Variants in SFMBT2 observed in about 807,000 individuals in gnomAD.
SFMBT2 encodes the protein Scm like with four mbt domains 2.
A neutral mutation model predicts 110.1 loss-of-function variants in SFMBT2; 38 were observed. The observed-to-expected ratio is 0.35, with a 90% CI of 0.27 to 0.45. The LOEUF is 0.45. SFMBT2 is among the 20% of genes least tolerant of loss of function. The pLI, the probability that SFMBT2 is intolerant of heterozygous loss-of-function variation, is 1.00. For synonymous variants in SFMBT2, 425 were observed against 425.4 expected (o/e 1.00, Z 0.01); for missense variants, 1,011 against 1,094.9 (o/e 0.92, Z 1.08).
Position 7,171,381 on chromosome 10 carries a change from G to A in SFMBT2, c.2416-325C>T. ...TTAGAGAAAAGAGGAGAAATACAAG[G>A]GGCACGTCCAAGCAGACACGAGACA... On this transcript the variant is annotated intron_variant, in intron 19 of 20. Transcript: ENST00000397167. The surrounding 1 kb of genome is among the most constrained non-coding windows in gnomAD (Gnocchi z 4.9). The A allele has an allele frequency of 2.0e-6, 2 of 985,332 alleles. No individual in the cohort carries two copies. The highest frequency in any genetic ancestry group is 2.4e-6 in the Non-Finnish European group (2 of 829,864). The allele number at this position is 985,332 out of a possible 1,614,324, so 61.0% of individuals were successfully genotyped here. A position where few individuals can be genotyped will look rare whatever the true frequency, so the allele number is the denominator to read the frequency against.
At chr10:7,242,957 C>G (rs1840481565) in intron 9 of SFMBT2, among the ~76,000 whole-genome samples, 1 of 152,212 alleles carries the variant, frequency 6.6e-6, no homozygotes, top group Non-Finnish European at 1.5e-5. Flanking sequence ...CACCTCTCAT[C>G]TTACTGCTTT....
chr10:7,335,104 TAGAA>T (rs1490946706), intron 4 of SFMBT2, among the ~76,000 whole-genome samples: 1 of 152,050 alleles, frequency 6.6e-6, no homozygotes, highest in Non-Finnish European at 1.5e-5. Flanking sequence ...GTCAAATTCA[TAGAA>T]AGAGAAAACA....
chr10:7,364,423 TGA>T (rs1844825896), intron 4 of SFMBT2, among the ~76,000 whole-genome samples: 1 of 152,222 alleles, frequency 6.6e-6, no homozygotes, highest in Non-Finnish European at 1.5e-5. Context: ...ATGGTGTTTC[TGA>T]GAGTGTGTGT....
intron 4 of SFMBT2, among the ~76,000 whole-genome samples, chr10:7,335,590 CA>C (rs1249979488): frequency 2.6e-4 from 38 of 146,094 alleles, no homozygotes; most frequent in African/African-American, 1.0e-3. Flanking sequence ...GAAACACACA[CA>C]CACACACACA....
chr10:7,322,637 A>T (rs1168457020), intron 4 of SFMBT2, among the ~76,000 whole-genome samples: 2 of 152,102 alleles, frequency 1.3e-5, no homozygotes, highest in Admixed American at 6.6e-5. Context: ...ACACATACAC[A>T]GCACAGCACA....
At chr10:7,347,191 G>A (rs1844144450) in intron 4 of SFMBT2, among the ~76,000 whole-genome samples, 1 of 152,120 alleles carries the variant, frequency 6.6e-6, no homozygotes, top group Non-Finnish European at 1.5e-5. Context: ...AACTAGGTAG[G>A]GCCTGGTGGA....
At chr10:7,313,286 A>C (rs1430824511) in intron 4 of SFMBT2, among the ~76,000 whole-genome samples, 1 of 152,090 alleles carries the variant, frequency 6.6e-6, no homozygotes, top group Non-Finnish European at 1.5e-5. Context: ...GTATGGTAAA[A>C]ACCTAGAGGG....
At chr10:7,267,324 A>G (rs375250051) in intron 7 of SFMBT2, among the ~76,000 whole-genome samples, 22 of 152,314 alleles carry the variant, frequency 1.4e-4, no homozygotes, top group African/African-American at 4.6e-4. Flanking sequence ...TGACTTCTGA[A>G]TCCTGTGAGT....
Position 7,163,490 on chromosome 10 carries a change from G to C in SFMBT2, c.*280C>G. Reference sequence around the variant, plus strand: ...AAGGGAGCTGCCTGATTTGGGGCAGGAGAAAGGCAAAACGTGGGTGAGCCA... The same window carrying C: ...AAGGGAGCTGCCTGATTTGGGGCAGCAGAAAGGCAAAACGTGGGTGAGCCA... On this transcript the variant is annotated 3_prime_UTR_variant, in exon 21 of 21. Transcript: ENST00000397167. The surrounding 1 kb of genome is among the most constrained non-coding windows in gnomAD (Gnocchi z 4.8). 2.7e-6 allele frequency: 1 copy of C among 369,560 alleles called. No individual in the cohort carries two copies. 22.9% of individuals were successfully genotyped at this position (369,560 alleles called of 1,614,324 possible).
In SFMBT2 at chr10:7,276,918, A is replaced by C. The variant is rs1841797080; in HGVS notation, c.844T>G (p.Phe282Val). The C allele has an allele frequency of 3.4e-6, 3 of 872,662 alleles. No homozygotes were observed. In the African/African-American group the frequency reaches 4.9e-5, roughly 14 times the overall value. 54.1% of individuals were successfully genotyped at this position (872,662 alleles called of 1,614,324 possible). ...LEKSLIDAAK[F>V]PLPMEVFKDH... ...TTAAACACTTCCATTGGAAGAGGAA[A>C]TTTGGCAGCATCAATAAGGGATTTT... The change falls in exon 7 of 21, where the codon TTT (phenylalanine) becomes GTT (valine). Residue 282 changes from phenylalanine to valine, a missense_variant. This residue lies in a region of SFMBT2 where 979 missense variants were observed against 1,016.1 expected (regional missense o/e 0.96). Transcript: ENST00000397167.
chr10:7,186,626 A>G (rs1293991302), intron 16 of SFMBT2, among the ~76,000 whole-genome samples: 1 of 152,108 alleles, frequency 6.6e-6, no homozygotes, highest in African/African-American at 2.4e-5. Flanking sequence ...AAATGTCTTG[A>G]ATGTGAGTCT....
At chr10:7,341,706 T>G (rs1207600166) in intron 4 of SFMBT2, among the ~76,000 whole-genome samples, 1 of 152,192 alleles carries the variant, frequency 6.6e-6, no homozygotes, top group Non-Finnish European at 1.5e-5. Flanking sequence ...TACTAAAATA[T>G]TTACAGATGA....
intron 4 of SFMBT2, among the ~76,000 whole-genome samples, chr10:7,336,780 ACAGGGAAAGGC>A (rs770770302): frequency 5.9e-5 from 9 of 152,226 alleles, no homozygotes; most frequent in Non-Finnish European, 1.2e-4. Flanking sequence ...GAGAAGGTTA[ACAGGGAAAGGC>A]CACTGAGTTT....
chr10:7,405,344 T>C (rs926854236), intron 1 of SFMBT2, among the ~76,000 whole-genome samples: 3 of 152,210 alleles, frequency 2.0e-5, no homozygotes, highest in East Asian at 3.9e-4. Context: ...ATGGCTTGTA[T>C]TCAAAGGCAC....
At chr10:7,238,434 T>C (rs1840327381) in intron 9 of SFMBT2, among the ~76,000 whole-genome samples, 2 of 152,182 alleles carry the variant, frequency 1.3e-5, no homozygotes, top group African/African-American at 4.8e-5. Flanking sequence ...AGTAAGGTGG[T>C]AGGGCCATGA....
At chr10:7,337,507 G>A (rs559308539) in intron 4 of SFMBT2, among the ~76,000 whole-genome samples, 1 of 152,182 alleles carries the variant, frequency 6.6e-6, no homozygotes, top group South Asian at 2.1e-4. Context: ...ATGAGATCTG[G>A]TTGTTTAAAA....
At chr10:7,407,605 G>A (rs1200245001) in intron 1 of SFMBT2, among the ~76,000 whole-genome samples, 2 of 152,198 alleles carry the variant, frequency 1.3e-5, no homozygotes, top group African/African-American at 4.8e-5. Context: ...AGGCTGGGGT[G>A]AGCGAGAAGT....
At chr10:7,209,100 C>G (rs1404874339) in intron 11 of SFMBT2, among the ~76,000 whole-genome samples, 1 of 152,162 alleles carries the variant, frequency 6.6e-6, no homozygotes, top group Non-Finnish European at 1.5e-5. Context: ...CTTCATTTCC[C>G]TTTACCAAGC....
intron 7 of SFMBT2, among the ~76,000 whole-genome samples, chr10:7,272,259 A>C (rs1040005699): frequency 6.6e-6 from 1 of 152,198 alleles, no homozygotes; most frequent in Non-Finnish European, 1.5e-5. Flanking sequence ...CCAAAACTAC[A>C]GTCCAGAGAC....
Sources: gnomAD v4.1 joint callset for allele counts (sites outside exome capture counted in the v4.1 genomes callset) on GRCh38, gnomAD v4.1.1 for gene constraint, gnomAD v4.1.1 regional missense constraint, Gnocchi (gnomAD v3.1) non-coding constraint, MANE v1.5 for transcripts, NCBI Gene and HGNC (gene_info 2026-07-23, HGNC 2026-07-21) for gene names.